The following LMBR1 variants were observed in gnomAD, a reference collection of about 807,000 sequenced individuals.
The protein encoded by LMBR1 is limb region 1 protein homolog.
In LMBR1, 52 loss-of-function variants were observed where a neutral mutation model predicts 73.9. The observed-to-expected ratio is 0.70, with a 90% confidence interval of 0.56 to 0.89. The LOEUF (loss-of-function observed/expected upper bound fraction) is 0.89, where lower values mean the gene tolerates loss of function less well. LMBR1 is among the 40% of genes least tolerant of loss of function. The probability of loss-of-function intolerance (pLI) is 0.00; values close to 1 mark genes in which losing one functional copy is unlikely to be tolerated. For missense variants in LMBR1, 539 were observed against 579.8 expected (o/e 0.93, Z 0.72); for synonymous variants, 215 against 209.4 (o/e 1.03, Z -0.23).
intron 1 of LMBR1, among the ~76,000 whole-genome samples, chr7:156,884,682 T>C (rs991305581): frequency 1.3e-5 from 2 of 150,146 alleles, no homozygotes; most frequent in African/African-American, 4.9e-5. Context: ...CCCATGGAAC[T>C]CACTGAAATA....
At chr7:156,693,788 T>C (rs1244132215) in intron 15 of LMBR1, among the ~76,000 whole-genome samples, 2 of 152,242 alleles carry the variant, frequency 1.3e-5, no homozygotes, top group Non-Finnish European at 1.5e-5. Context: ...AAGCTCATTT[T>C]ACAAGGCCAG....
intron 10 of LMBR1, among the ~76,000 whole-genome samples, chr7:156,733,371 T>A (rs983122493): frequency 6.6e-6 from 1 of 152,086 alleles, no homozygotes; most frequent in Non-Finnish European, 1.5e-5. Flanking sequence ...AAAAACATTG[T>A]AAGTGTTGTC....
chr7:156,871,187 A>G (rs1376042197), intron 1 of LMBR1, among the ~76,000 whole-genome samples: 1 of 152,206 alleles, frequency 6.6e-6, no homozygotes, highest in Non-Finnish European at 1.5e-5. Context: ...TGGATAATCT[A>G]GAAGAAATGA....
At chr7:156,866,948 A>G (rs1798557310) in intron 1 of LMBR1, among the ~76,000 whole-genome samples, 1 of 152,210 alleles carries the variant, frequency 6.6e-6, no homozygotes, top group Non-Finnish European at 1.5e-5. Context: ...TATCTCAGAC[A>G]TACAAGCGTG....
chr7:156,716,495 G>A (rs1246031857), intron 15 of LMBR1, among the ~76,000 whole-genome samples: 1 of 152,182 alleles, frequency 6.6e-6, no homozygotes, highest in East Asian at 1.9e-4. Context: ...AACCTTATGT[G>A]CTAATTTTCA....
intron 1 of LMBR1, among the ~76,000 whole-genome samples, chr7:156,880,312 A>G (rs564705059): frequency 6.6e-6 from 1 of 152,316 alleles, no homozygotes; most frequent in African/African-American, 2.4e-5. Flanking sequence ...ATGCAAAGGC[A>G]TAAGAATGAC....
intron 4 of LMBR1, among the ~76,000 whole-genome samples, chr7:156,808,000 T>C (rs73166163): frequency 0.039 from 5,991 of 152,194 alleles, 172 homozygotes; most frequent in Non-Finnish European, 0.049. Flanking sequence ...TGACTTAAAA[T>C]CCTAAAATGT....
At chr7:156,824,199 T>C (rs1835281798) in intron 4 of LMBR1, among the ~76,000 whole-genome samples, 1 of 152,180 alleles carries the variant, frequency 6.6e-6, no homozygotes, top group Non-Finnish European at 1.5e-5. Flanking sequence ...TAGTATTTTC[T>C]ATATTCTGTA....
intron 4 of LMBR1, among the ~76,000 whole-genome samples, chr7:156,806,324 C>T (rs1316635777): frequency 6.6e-6 from 1 of 152,180 alleles, no homozygotes; most frequent in Non-Finnish European, 1.5e-5. Context: ...TATTGATCTT[C>T]TATCCTGCAG....
At position 156,762,429 on chromosome 7, in the gene LMBR1, T is replaced by C. The variant is rs1823230578; in HGVS notation, c.620-231A>G. Among the ~76,000 whole-genome samples the C allele has an allele frequency of 1.3e-5, 2 of 152,002 alleles. 1 individual carries two copies. Among genetic ancestry groups the C allele is most frequent in the Admixed American group, 1.3e-4 (2 of 15,268 alleles). On this transcript the variant is annotated intron_variant, in intron 7 of 16. Coordinates refer to ENST00000353442, the MANE Select transcript of LMBR1 (RefSeq NM_022458.4). The stretch of plus-strand genomic sequence containing the variant: ...GGTGTAATTAGTTATGAAAGATATG[T>C]GACAACAAAAAAAGGCTTAGAATAA...
chr7:156,718,624 C>G (rs1016515121), intron 15 of LMBR1, among the ~76,000 whole-genome samples: 2 of 151,870 alleles, frequency 1.3e-5, no homozygotes, highest in African/African-American at 4.8e-5. Context: ...GTAGTCCCAG[C>G]TACTCGGGAG....
chr7:156,805,842 G>A (rs1325560019), intron 4 of LMBR1, among the ~76,000 whole-genome samples: 1 of 152,140 alleles, frequency 6.6e-6, no homozygotes, highest in African/African-American at 2.4e-5. Context: ...GGGGTAGTTA[G>A]GTCACAAGAG....
intron 2 of LMBR1, among the ~76,000 whole-genome samples, chr7:156,834,783 T>C (rs1389781333): frequency 2.6e-5 from 4 of 151,948 alleles, no homozygotes; most frequent in African/African-American, 9.7e-5. Context: ...TTCTCGCTCA[T>C]GCCTGTCAGC....
chr7:156,831,026 G>A (rs79458938), intron 3 of LMBR1, among the ~76,000 whole-genome samples: 2,470 of 152,194 alleles, frequency 0.016, 54 homozygotes, highest in African/African-American at 0.055. Flanking sequence ...AGGAAAACAC[G>A]GTAAGGAAGA....
intron 1 of LMBR1, among the ~76,000 whole-genome samples, chr7:156,857,694 A>G (rs904681991): frequency 6.6e-6 from 1 of 152,252 alleles, no homozygotes; most frequent in Non-Finnish European, 1.5e-5. Flanking sequence ...ACTAAGACAT[A>G]TCATATTCTG....
At chr7:156,810,821 T>C (rs1039536794) in intron 4 of LMBR1, among the ~76,000 whole-genome samples, 1 of 152,058 alleles carries the variant, frequency 6.6e-6, no homozygotes, top group East Asian at 1.9e-4. Context: ...TTGTTTTTTG[T>C]TTTTTTACAT....
chr7:156,673,761 T>C (rs1803132604), downstream of LMBR1, among the ~76,000 whole-genome samples: 1 of 152,002 alleles, frequency 6.6e-6, no homozygotes, highest in East Asian at 1.9e-4. Context: ...CAGCTCATAG[T>C]CTCCACAGCA....
intron 10 of LMBR1, among the ~76,000 whole-genome samples, chr7:156,733,066 G>C (rs988407254): frequency 6.6e-6 from 1 of 152,132 alleles, no homozygotes; most frequent in Non-Finnish European, 1.5e-5. Flanking sequence ...GATCACATGA[G>C]CCGGGGAGGC....
intron 4 of LMBR1, among the ~76,000 whole-genome samples, chr7:156,797,178 G>C (rs2133384773): frequency 6.6e-6 from 1 of 152,322 alleles, no homozygotes; most frequent in South Asian, 2.1e-4. Flanking sequence ...AAAAGTCACA[G>C]AGACTGGCAA....
Sources: gnomAD v4.1 joint callset for allele counts (sites outside exome capture counted in the v4.1 genomes callset) on GRCh38, gnomAD v4.1.1 for gene constraint, MANE v1.5 for transcripts, NCBI Gene and HGNC (gene_info 2026-07-23, HGNC 2026-07-21) for gene names.